The following YIPF1 variants were observed in gnomAD, a reference collection of about 807,000 sequenced individuals.
YIPF1 encodes the protein Yip1 domain family member 1.
Under a neutral mutation model 37.0 loss-of-function variants are expected in YIPF1, and 22 were observed. The ratio of observed to expected loss-of-function variants is 0.59; its 90% CI spans 0.42 to 0.85. YIPF1 has a LOEUF of 0.85. Ranked by LOEUF, YIPF1 falls within the 40% of genes least tolerant of loss-of-function variation. The probability of loss-of-function intolerance (pLI) is 0.00; values close to 1 mark genes in which losing one functional copy is unlikely to be tolerated. For synonymous variants in YIPF1, 128 were observed against 131.9 expected, an observed-to-expected ratio of 0.97 and a Z score of 0.21; for missense variants, 355 against 373.1, an observed-to-expected ratio of 0.95 and a Z score of 0.40.
intron 10 of YIPF1, among the ~76,000 whole-genome samples, chr1:53,855,890 G>A (rs1024859277): frequency 2.6e-5 from 4 of 152,178 alleles, no homozygotes; most frequent in Non-Finnish European, 5.9e-5. Context: ...TCCCTGGAAT[G>A]TGTTCTAAGC....
At chr1:53,871,603 C>CTTT in intron 6 of YIPF1, 115 bp from the exon 7 acceptor site, 3 of 894,792 alleles carry the variant, frequency 3.4e-6, no homozygotes, top group Non-Finnish European at 5.1e-6. Flanking sequence ...AATGAATTTT[C>CTTT]TAGATGGGAT....
intron 10 of YIPF1, among the ~76,000 whole-genome samples, chr1:53,853,397 G>C (rs1649644223): frequency 1.3e-5 from 2 of 152,196 alleles, no homozygotes; most frequent in Non-Finnish European, 2.9e-5. Flanking sequence ...GATGAGTATA[G>C]CTTGGAATGT....
At chr1:53,862,467 G>C (rs1649908719) in intron 9 of YIPF1, among the ~76,000 whole-genome samples, 1 of 152,172 alleles carries the variant, frequency 6.6e-6, no homozygotes, top group South Asian at 2.1e-4. Context: ...ACTTAGGCTT[G>C]TACATCTCCA....
At chr1:53,855,360 C>T (rs1420671316) in intron 10 of YIPF1, among the ~76,000 whole-genome samples, 1 of 151,996 alleles carries the variant, frequency 6.6e-6, no homozygotes, top group Non-Finnish European at 1.5e-5. Context: ...GTACAGTTTC[C>T]AGGCTCTACC....
chr1:53,887,555 T>C (rs1650689183), intron 3 of YIPF1, among the ~76,000 whole-genome samples: 1 of 151,980 alleles, frequency 6.6e-6, no homozygotes, highest in Non-Finnish European at 1.5e-5. Context: ...AAGGTGACAG[T>C]GACCTTGAGC....
At chr1:53,861,128 CTT>C (rs546939490) in intron 9 of YIPF1, among the ~76,000 whole-genome samples, 8 of 152,218 alleles carry the variant, frequency 5.3e-5, no homozygotes, top group Non-Finnish European at 1.2e-4. Flanking sequence ...CATGTTAACT[CTT>C]TTTGAAAAGT....
At position 53,867,436 on chromosome 1, in the gene YIPF1, G is replaced by C. The variant is rs569207568; in HGVS notation, c.482-512C>G. ...CGCCCAGGCTGGAGTGCAGTGGCGC[G>C]ATCTAGGCTCACTGCAAGCTCCGCC... On this transcript the variant is annotated intron_variant, in intron 7 of 10. Transcript: ENST00000072644. Among the ~76,000 whole-genome samples the C allele has an allele frequency of 6.6e-3, 954 of 144,714 alleles. 11 individuals are homozygous for C. The highest frequency in any genetic ancestry group is 0.023 in the African/African-American group (908 of 38,836). The allele number at this position is 144,714 out of a possible 152,430, so 94.9% of individuals were successfully genotyped here.
chr1:53,866,482 G>T, intron 8 of YIPF1, 100 bp from the exon 9 acceptor site: 2 of 1,278,910 alleles, frequency 1.6e-6, no homozygotes, highest in East Asian at 2.4e-5. Context: ...CAGCAGCTGG[G>T]CCCCCATTGC....
chr1:53,888,232 C>A (rs1039760387), intron 3 of YIPF1, among the ~76,000 whole-genome samples: 4 of 151,968 alleles, frequency 2.6e-5, no homozygotes, highest in African/African-American at 9.7e-5. Context: ...TCAAAAGAAA[C>A]AAACAAACAA....
intron 9 of YIPF1, among the ~76,000 whole-genome samples, chr1:53,861,094 G>A (rs1649861528): frequency 6.6e-6 from 1 of 152,194 alleles, no homozygotes; most frequent in Non-Finnish European, 1.5e-5. Flanking sequence ...ACATGTTGGA[G>A]CTCTCCCCTA....
At chr1:53,881,016 G>A (rs981037114) in intron 4 of YIPF1, among the ~76,000 whole-genome samples, 1 of 152,090 alleles carries the variant, frequency 6.6e-6, no homozygotes, top group Non-Finnish European at 1.5e-5. Context: ...TGTAATCCCA[G>A]CACTTTGGGA....
At chr1:53,860,015 T>C (rs11206230) in intron 10 of YIPF1, 41 bp downstream of exon 10, 67,165 of 1,600,486 alleles carry the variant, frequency 0.042, 1,752 homozygotes, top group East Asian at 0.12. Context: ...CTGCCCATGT[T>C]TTATGGCACC....
At chr1:53,863,315 C>A (rs6588493) in intron 9 of YIPF1, among the ~76,000 whole-genome samples, 58,860 of 152,008 alleles carry the variant, frequency 0.39, 11,640 homozygotes, top group East Asian at 0.57. Context: ...AGCTTTGGCC[C>A]GGGTACCAGC....
intron 6 of YIPF1, among the ~76,000 whole-genome samples, chr1:53,876,755 G>A (rs1427505279): frequency 6.6e-6 from 1 of 152,142 alleles, no homozygotes; most frequent in African/African-American, 2.4e-5. Flanking sequence ...TCTCCCTCAT[G>A]AAGTTGGATC....
At position 53,878,360 on chromosome 1, in the gene YIPF1, T is replaced by C. The variant is rs766429152; in HGVS notation, c.319A>G (p.Lys107Glu). Residue 107 changes from lysine (K) to glutamate (E), a missense_variant, in exon 6 of 11, where the codon AAA becomes GAA. Transcript: ENST00000072644. ...CGGATATATAACCTCACAAAGTTTT[T>C]CCCGGGTATTGGCAAAAGAGATCCT... ...IKGSLLPIPG[K>E]NFVRLYIRSN... The C allele has an allele frequency of 6.2e-7, 1 of 1,614,154 alleles. No homozygotes were observed. Among genetic ancestry groups the C allele is most frequent in the East Asian group, 2.2e-5 (1 of 44,864 alleles).
intron 10 of YIPF1, among the ~76,000 whole-genome samples, chr1:53,852,782 C>CAAAA (rs10708560): frequency 6.9e-6 from 1 of 144,874 alleles, no homozygotes. Flanking sequence ...AATAGGGGGC[C>CAAAA]AAAAAAAAAA....
At chr1:53,859,509 C>G (rs1454109536) in intron 10 of YIPF1, among the ~76,000 whole-genome samples, 3 of 151,940 alleles carry the variant, frequency 2.0e-5, no homozygotes, top group African/African-American at 7.3e-5. Flanking sequence ...AATAAAAATA[C>G]AAAAATTAGC....
Position 53,882,854 on chromosome 1 carries a change from T to C in YIPF1, c.195+259A>G, listed in dbSNP as rs183223375. 1,208 of 298,702 alleles carry C rather than the reference T, an allele frequency of 4.0e-3. 13 individuals are homozygous for C. The highest frequency in any genetic ancestry group is 0.027 in the South Asian group (257 of 9,440). 18.5% of individuals were successfully genotyped at this position (298,702 alleles called of 1,614,324 possible). A position where few individuals can be genotyped will look rare whatever the true frequency, so the allele number is the denominator to read the frequency against. On this transcript the variant is annotated intron_variant, in intron 4 of 10. Coordinates refer to ENST00000072644, the MANE Select transcript of YIPF1 (RefSeq NM_018982.5). ...ATGAAGGTTCTTTCCTACTCTAATATTAGAAAATATTGAGCATGGGAGTCC... is the reference window on the plus strand; with the variant it reads ...ATGAAGGTTCTTTCCTACTCTAATACTAGAAAATATTGAGCATGGGAGTCC...
intron 6 of YIPF1, among the ~76,000 whole-genome samples, chr1:53,877,750 C>T (rs1389570683): frequency 6.6e-6 from 1 of 152,230 alleles, no homozygotes; most frequent in African/African-American, 2.4e-5. Flanking sequence ...CCAATCTCCA[C>T]CTAGTCAAAG....
Sources: gnomAD v4.1 joint callset for allele counts (sites outside exome capture counted in the v4.1 genomes callset) on GRCh38, gnomAD v4.1.1 for gene constraint, MANE v1.5 for transcripts, NCBI Gene and HGNC (gene_info 2026-07-23, HGNC 2026-07-21) for gene names.